The following UNC5A variants were observed in gnomAD, a reference collection of about 807,000 sequenced individuals.
The protein encoded by UNC5A is netrin receptor UNC5A.
UNC5A carries 20 observed loss-of-function variants against 87.4 expected under a neutral mutation model. The ratio of observed to expected loss-of-function variants is 0.23; its 90% CI spans 0.16 to 0.33. UNC5A has a LOEUF of 0.33. UNC5A is among the 10% of genes least tolerant of loss of function. The pLI is 1.00. For synonymous variants in UNC5A, 438 were observed against 482.3 expected (o/e 0.91, Z 1.20); for missense variants, 844 against 1,133.4 (o/e 0.74, Z 3.67).
At chr5:176,837,324 G>A (rs1482015690) in intron 1 of UNC5A, among the ~76,000 whole-genome samples, 3 of 152,190 alleles carry the variant, frequency 2.0e-5, no homozygotes, top group African/African-American at 7.2e-5. Context: ...CCCATGAGCC[G>A]GTGAGGACAG....
In UNC5A at chr5:176,823,427, A is replaced by G. The variant is rs73340051; in HGVS notation, c.70+12607A>G. Among the ~76,000 whole-genome samples, 612 of 152,208 alleles carry G rather than the reference A, an allele frequency of 4.0e-3. 3 individuals carry two copies. The highest frequency in any genetic ancestry group is 0.014 in the African/African-American group (568 of 41,518). ...GCGGAACAGCGTTTCCGGGTCAGGC[A>G]GGCACTGGGGGCGAAGGGCAGACTT... On this transcript the variant is annotated intron_variant, in intron 1 of 14. Coordinates refer to ENST00000329542, the MANE Select transcript of UNC5A (RefSeq NM_133369.3).
In UNC5A at chr5:176,838,955, G is replaced by A. The variant is rs977261136; in HGVS notation, c.71-23669G>A. On this transcript the variant is annotated intron_variant, in intron 1 of 14. Transcript: ENST00000329542. This position sits in a 1 kb window ranked among gnomAD's most constrained non-coding sequence, Gnocchi z 4.2. ...CATAGCTTACTATGGAACAAGAGTG[G>A]ATCTCCAAAGAAAATGGGGCTGTTA... Among the ~76,000 whole-genome samples the A allele has an allele frequency of 6.6e-6, 1 of 152,204 alleles. No individual in the cohort carries two copies. The highest frequency in any genetic ancestry group is 6.5e-5 in the Admixed American group (1 of 15,286).
chr5:176,813,626 G>A (rs139295843), intron 1 of UNC5A, among the ~76,000 whole-genome samples: 16 of 152,298 alleles, frequency 1.1e-4, no homozygotes, highest in East Asian at 3.9e-4. Context: ...AGGAACCAGG[G>A]ATAGGCATTG....
At chr5:176,819,383 CGAA>C (rs778942900) in intron 1 of UNC5A, among the ~76,000 whole-genome samples, 1 of 146,364 alleles carries the variant, frequency 6.8e-6, no homozygotes, top group East Asian at 1.9e-4. Context: ...AAAAGGAAAA[CGAA>C]GAAGAAGGAG....
At chr5:176,853,471 C>A (rs1757594220) in intron 1 of UNC5A, among the ~76,000 whole-genome samples, 1 of 152,204 alleles carries the variant, frequency 6.6e-6, no homozygotes, top group African/African-American at 2.4e-5. Flanking sequence ...CCTCGTGACT[C>A]CTGTGTCCGT....
chr5:176,837,310 A>G (rs1389512264), intron 1 of UNC5A, among the ~76,000 whole-genome samples: 1 of 152,202 alleles, frequency 6.6e-6, no homozygotes, highest in African/African-American at 2.4e-5. Context: ...CTTGCCTGGC[A>G]GTGCCCATGA....
At chr5:176,815,143 C>A (rs1756557734) in intron 1 of UNC5A, among the ~76,000 whole-genome samples, 1 of 152,216 alleles carries the variant, frequency 6.6e-6, no homozygotes, top group Admixed American at 6.5e-5. Flanking sequence ...CATGGATTTT[C>A]CCAGAGTGAA....
chr5:176,839,086 C>A (rs543379981), intron 1 of UNC5A, among the ~76,000 whole-genome samples: 15 of 152,348 alleles, frequency 9.8e-5, no homozygotes, highest in Admixed American at 2.0e-4. Flanking sequence ...CTCTGCCTGA[C>A]CTGCCCTCTC....
intron 10 of UNC5A, 67 bp downstream of exon 10, chr5:176,877,770 C>A (rs915916990): frequency 2.4e-4 from 363 of 1,524,992 alleles, no homozygotes; most frequent in Non-Finnish European, 2.9e-4. Context: ...ACCCGGCCTT[C>A]CACCGCTGGG....
chr5:176,845,328 G>A (rs1045022286), intron 1 of UNC5A, among the ~76,000 whole-genome samples: 3 of 152,206 alleles, frequency 2.0e-5, no homozygotes, highest in South Asian at 2.1e-4. Context: ...GTCCTGGCAC[G>A]GATCCAAAGC....
intron 1 of UNC5A, among the ~76,000 whole-genome samples, chr5:176,846,973 G>C (rs1420897312): frequency 5.9e-5 from 9 of 152,142 alleles, no homozygotes; most frequent in Admixed American, 5.9e-4. Flanking sequence ...CCGCGCACAT[G>C]CTCTGCCCTC....
At position 176,877,247 on chromosome 5, in the gene UNC5A, C is replaced by T; in HGVS notation, c.1434C>T (p.Ile478=). The T allele has an allele frequency of 6.2e-7, 1 of 1,612,810 alleles. No individual in the cohort carries two copies. Among genetic ancestry groups the T allele is most frequent in the Non-Finnish European group, 8.5e-7 (1 of 1,179,812 alleles). Residue 478 remains isoleucine, a synonymous_variant, in exon 9 of 15, where the codon ATC becomes ATT. Transcript: ENST00000329542. ...DAIPRGKIYE[I]YLTLHKPEDV... Reference sequence around the variant, plus strand: ...TACCCCGAGGGAAGATCTATGAGATCTACCTCACGCTGCACAAGCCGGAAG... The same window carrying T: ...TACCCCGAGGGAAGATCTATGAGATTTACCTCACGCTGCACAAGCCGGAAG...
intron 1 of UNC5A, among the ~76,000 whole-genome samples, chr5:176,813,585 C>T (rs1286879856): frequency 6.6e-6 from 1 of 152,204 alleles, no homozygotes; most frequent in African/African-American, 2.4e-5. Context: ...CTGCTCCCCA[C>T]TTGCCTGTGT....
chr5:176,846,467 C>G (rs776059085), intron 1 of UNC5A, among the ~76,000 whole-genome samples: 12 of 152,126 alleles, frequency 7.9e-5, no homozygotes, highest in African/African-American at 2.9e-4. Context: ...TGATGGGGGA[C>G]AGGTGAGCAT....
rs1182840981 is a variant in UNC5A at position 176,824,573 on chromosome 5, AAG to A, written c.70+13761_70+13762del. ...GAACATTCTAAAAAAAAAAGAGAGA[AAG>A]AGAGAGAATTCACATAAAAATCCAA... On this transcript the variant is annotated intron_variant, in intron 1 of 14. Transcript: ENST00000329542. This position sits in a 1 kb window ranked among gnomAD's most constrained non-coding sequence, Gnocchi z 4.2. 2.0e-5 allele frequency among the ~76,000 whole-genome samples: 3 copies of A among 151,730 alleles called. No individual in the cohort carries two copies. The highest frequency in any genetic ancestry group is 4.4e-5 in the Non-Finnish European group (3 of 67,992).
At chr5:176,879,043 G>A (rs1229152877) in intron 13 of UNC5A, among the ~76,000 whole-genome samples, 2 of 152,186 alleles carry the variant, frequency 1.3e-5, no homozygotes, top group Non-Finnish European at 2.9e-5. Flanking sequence ...CAGAGGCTGG[G>A]CAGAGTGACT....
At position 176,860,435 on chromosome 5, in the gene UNC5A, G is replaced by A. The variant is rs537554934; in HGVS notation, c.71-2189G>A. ...CCTCCTTCCATTCATTCTCCAGACC[G>A]TGGGAGGACCATGTGGGAGCCCAAC... On this transcript the variant is annotated intron_variant, in intron 1 of 14. Transcript: ENST00000329542. 5.9e-5 allele frequency among the ~76,000 whole-genome samples: 9 copies of A among 152,282 alleles called. No individual in the cohort carries two copies. In the South Asian group the frequency reaches 1.0e-3, roughly 18 times the overall value.
rs912118774 is a variant in UNC5A at position 176,844,228 on chromosome 5, C to A, written c.71-18396C>A. Among the ~76,000 whole-genome samples the A allele has an allele frequency of 2.6e-5, 4 of 152,104 alleles. No individual in the cohort carries two copies. The highest frequency in any genetic ancestry group is 5.9e-5 in the Non-Finnish European group (4 of 68,022). The stretch of plus-strand genomic sequence containing the variant: ...TCAGAGGCCCCAGGCCTTGCCTGAT[C>A]CTCAGGACAGAGCTGGAGAGAACAC... On this transcript the variant is annotated intron_variant, in intron 1 of 14. Coordinates refer to ENST00000329542, the MANE Select transcript of UNC5A (RefSeq NM_133369.3). The surrounding 1 kb of genome is among the most constrained non-coding windows in gnomAD (Gnocchi z 4.2).
chr5:176,836,751 G>A (rs1757155934), intron 1 of UNC5A, among the ~76,000 whole-genome samples: 2 of 152,170 alleles, frequency 1.3e-5, no homozygotes, highest in African/African-American at 2.4e-5. Context: ...CTCAGGAGAG[G>A]TATGTTTAAA....
Sources: gnomAD v4.1 joint callset for allele counts (sites outside exome capture counted in the v4.1 genomes callset) on GRCh38, gnomAD v4.1.1 for gene constraint, Gnocchi (gnomAD v3.1) non-coding constraint, MANE v1.5 for transcripts, NCBI Gene and HGNC (gene_info 2026-07-23, HGNC 2026-07-21) for gene names.